ADAMTS20: variants seen among roughly 807,000 people sequenced by gnomAD.
The protein encoded by ADAMTS20 is ADAM metallopeptidase with thrombospondin type 1 motif 20, also known as A disintegrin and metalloproteinase with thrombospondin motifs 20.
ADAMTS20 carries 225 observed loss-of-function variants against 260.1 expected under a neutral mutation model. That is an observed-to-expected ratio of 0.87 (90% CI 0.78 to 0.97). ADAMTS20 has a LOEUF of 0.97. Among genes scored for constraint, ADAMTS20 ranks in the 50% least tolerant of loss-of-function variants. The pLI, the probability that ADAMTS20 is intolerant of heterozygous loss-of-function variation, is 0.00. For synonymous variants in ADAMTS20, 802 were observed against 769.5 expected, an observed-to-expected ratio of 1.04 and a Z score of -0.70; for missense variants, 2,400 against 2,337.7, an observed-to-expected ratio of 1.03 and a Z score of -0.55.
At chr12:43,444,407 A>T (rs116724420) in intron 15 of ADAMTS20, among the ~76,000 whole-genome samples, 2,022 of 152,250 alleles carry the variant, frequency 0.013, 49 homozygotes, top group African/African-American at 0.047. Context: ...CTCAAGTTTT[A>T]GTTTGTAGTA....
chr12:43,354,347 C>T (rs1939699410), intron 38 of ADAMTS20, 49 bp from the exon 39 acceptor site: 20 of 1,380,896 alleles, frequency 1.4e-5, no homozygotes, highest in Non-Finnish European at 2.0e-5. Flanking sequence ...AAGCTGGTAT[C>T]TGTATGCAAA....
At chr12:43,496,176 T>TTTATTCAATG (rs1374776846) in intron 4 of ADAMTS20, among the ~76,000 whole-genome samples, 1 of 152,228 alleles carries the variant, frequency 6.6e-6, no homozygotes, top group Non-Finnish European at 1.5e-5. Context: ...ACATAAAATA[T>TTTATTCAATG]TTATTCAATG....
chr12:43,368,308 C>A (rs1183873846), intron 37 of ADAMTS20, among the ~76,000 whole-genome samples: 1 of 152,036 alleles, frequency 6.6e-6, no homozygotes, highest in Non-Finnish European at 1.5e-5. Flanking sequence ...TGAACTCATG[C>A]TGGGCGAAGA....
At chr12:43,530,981 G>A (rs1943213112) in intron 3 of ADAMTS20, among the ~76,000 whole-genome samples, 2 of 151,506 alleles carry the variant, frequency 1.3e-5, no homozygotes, top group South Asian at 2.1e-4. Context: ...TAGTATCTAG[G>A]TATATATCCT....
chr12:43,425,803 T>C lies in ADAMTS20; in HGVS notation c.4108-113A>G, dbSNP rs149150983. ...TATGTTTATTCTAGTAATTTTAACA[T>C]AATTAGTTTACTCTAGTAATGTTAC... On this transcript the variant is annotated intron_variant, in intron 27 of 38. Transcript: ENST00000389420. The C allele has an allele frequency of 6.0e-4, 428 of 711,980 alleles. 4 individuals carry two copies. In the Admixed American group the frequency reaches 0.014, roughly 23 times the overall value. 44.1% of individuals were successfully genotyped at this position (711,980 alleles called of 1,614,324 possible). A position where few individuals can be genotyped will look rare whatever the true frequency, so the allele number is the denominator to read the frequency against.
At chr12:43,424,813 A>T (rs1941299846) in intron 28 of ADAMTS20, among the ~76,000 whole-genome samples, 1 of 151,874 alleles carries the variant, frequency 6.6e-6, no homozygotes. Flanking sequence ...CAAAGTTCAC[A>T]TATTAAAAAA....
intron 28 of ADAMTS20, among the ~76,000 whole-genome samples, chr12:43,411,463 G>T (rs1022841987): frequency 2.0e-5 from 3 of 152,140 alleles, no homozygotes; most frequent in African/African-American, 7.2e-5. Context: ...TGCCTCCCGA[G>T]TTCAAGCGAT....
chr12:43,492,565 G>A lies in ADAMTS20; in HGVS notation c.1016C>T (p.Thr339Ile). 1 of 1,613,836 alleles carries A rather than the reference G, an allele frequency of 6.2e-7. No homozygotes were observed. The highest frequency in any genetic ancestry group is 8.5e-7 in the Non-Finnish European group (1 of 1,179,812). ...GTGAACATCATCAAGGTCATTCTGA[G>A]TTTGTTGCCATGAACAAAAGTTCTT... ...TLKNFCSWQQ[T>I]QNDLDDVHPS... Residue 339 changes from threonine to isoleucine, a missense_variant, in exon 6 of 39, where the codon ACT becomes ATT. By Grantham distance (89) the Thr-to-Ile change is moderately conservative. Transcript: ENST00000389420.
At chr12:43,422,768 G>T (rs1393513579) in intron 28 of ADAMTS20, 1 of 151,892 alleles carries the variant, frequency 6.6e-6, no homozygotes, top group Non-Finnish European at 1.5e-5. Context: ...CTGCACATCT[G>T]TCTTACTATT....
rs1293680645 is a variant in ADAMTS20, at chr12:43,487,801, C to A, written c.1117+2594G>T. Reference sequence around the variant, plus strand: ...AAGAAAAGAAGCTGGTGGTATATACCCCACTGATTAATATTTATTATAGAA... The same window carrying A: ...AAGAAAAGAAGCTGGTGGTATATACACCACTGATTAATATTTATTATAGAA... On this transcript the variant is annotated intron_variant, in intron 7 of 38. Transcript: ENST00000389420. Among the ~76,000 whole-genome samples, 3 of 151,620 alleles carry A rather than the reference C, an allele frequency of 2.0e-5. No individual in the cohort carries two copies. In the East Asian group the frequency reaches 5.8e-4, roughly 29 times the overall value.
chr12:43,466,917 T>A (rs1942164967), intron 8 of ADAMTS20, 122 bp from the exon 9 acceptor site: 1 of 742,038 alleles, frequency 1.3e-6, no homozygotes, highest in Non-Finnish European at 2.0e-6. Context: ...TATATCATAA[T>A]TTGAACTCCA....
In ADAMTS20 at chr12:43,468,690, C is replaced by A; in HGVS notation, c.1133G>T (p.Gly378Val). Reference sequence around the variant, plus strand: ...GCTTTGTAAAGGATCACATATGGTACCTAAATATGATAAACCTGAAAAATT... The same window carrying A: ...GCTTTGTAAAGGATCACATATGGTAACTAAATATGATAAACCTGAAAAATT... ...KCNMLGLSYL[G>V]TICDPLQSCF... Residue 378 changes from glycine to valine, a missense_variant, in exon 8 of 39, where the codon GGT (glycine) becomes GTT (valine). Coordinates refer to ENST00000389420, the MANE Select transcript of ADAMTS20 (RefSeq NM_025003.5). 1 of 1,586,410 alleles carries A rather than the reference C, an allele frequency of 6.3e-7. No homozygotes were observed. Among genetic ancestry groups the A allele is most frequent in the Non-Finnish European group, 8.6e-7 (1 of 1,164,440 alleles).
chr12:43,398,058 G>A (rs1005263069), intron 29 of ADAMTS20, among the ~76,000 whole-genome samples: 1 of 152,154 alleles, frequency 6.6e-6, no homozygotes, highest in East Asian at 1.9e-4. Flanking sequence ...ATCTGACAGA[G>A]ATAAGGAAGT....
chr12:43,461,534 G>A (rs1308680556), intron 11 of ADAMTS20, among the ~76,000 whole-genome samples: 1 of 152,072 alleles, frequency 6.6e-6, no homozygotes. Context: ...TTTGCCACGA[G>A]CAATCAATCC....
At chr12:43,499,118 A>G (rs1057181534) in intron 4 of ADAMTS20, among the ~76,000 whole-genome samples, 3 of 152,154 alleles carry the variant, frequency 2.0e-5, no homozygotes, top group Admixed American at 6.5e-5. Context: ...AAAGTATCTC[A>G]AAAGGGAGAC....
intron 29 of ADAMTS20, among the ~76,000 whole-genome samples, chr12:43,389,946 G>A (rs950341408): frequency 6.6e-6 from 1 of 152,298 alleles, no homozygotes; most frequent in East Asian, 1.9e-4. Flanking sequence ...CATTTACTCT[G>A]TGTGTCAGTG....
At position 43,432,334 on chromosome 12, in the gene ADAMTS20, A is replaced by G; in HGVS notation, c.3066T>C (p.Cys1022=). 1 of 1,613,954 alleles carries G rather than the reference A, an allele frequency of 6.2e-7. No homozygotes were observed. The highest frequency in any genetic ancestry group is 8.5e-7 in the Non-Finnish European group (1 of 1,179,856). The change falls in exon 21 of 39, where the codon TGT becomes TGC. Residue 1022 remains cysteine (C), a synonymous_variant. Coordinates refer to ENST00000389420, the MANE Select transcript of ADAMTS20 (RefSeq NM_025003.5). ...VTRENCNEFS[C]PSWAASEWSE... ...TCCATTCACTAGCAGCCCAACTGGG[A>G]CAGGAAAATTCATTGCAATTCTCTC... is the stretch of plus-strand genomic sequence containing the variant.
chr12:43,512,366 T>A (rs1019133604), intron 3 of ADAMTS20, among the ~76,000 whole-genome samples: 1 of 150,354 alleles, frequency 6.7e-6, no homozygotes, highest in Non-Finnish European at 1.5e-5. Context: ...ATTATTATTA[T>A]TATATCTAAG....
chr12:43,542,171 C>T (rs919828393), intron 2 of ADAMTS20, among the ~76,000 whole-genome samples: 11 of 152,064 alleles, frequency 7.2e-5, no homozygotes, highest in Non-Finnish European at 1.0e-4. Flanking sequence ...GTGGGGTCTG[C>T]GTAGTGGTCC....
Sources: allele counts gnomAD v4.1 joint callset (sites outside exome capture counted in the v4.1 genomes callset), GRCh38; gene constraint gnomAD v4.1.1; transcripts MANE v1.5; gene names NCBI Gene and HGNC (gene_info 2026-07-23, HGNC 2026-07-21).